Variants in RPS6KA2 observed in about 807,000 individuals in gnomAD.
RPS6KA2 encodes the protein ribosomal protein S6 kinase alpha-2.
RPS6KA2 carries 42 observed loss-of-function variants against 91.8 expected under a neutral mutation model. The observed-to-expected ratio is 0.46, with a 90% CI of 0.36 to 0.59. RPS6KA2 has a LOEUF of 0.59. Among genes scored for constraint, RPS6KA2 ranks in the 20% least tolerant of loss-of-function variants. RPS6KA2 has a pLI of 0.00. For synonymous variants in RPS6KA2, 414 were observed against 393.6 expected (o/e 1.05, Z -0.61); for missense variants, 798 against 978.5 (o/e 0.82, Z 2.46).
At chr6:166,611,298 T>C (rs1786163819) in intron 1 of RPS6KA2, among the ~76,000 whole-genome samples, 1 of 152,242 alleles carries the variant, frequency 6.6e-6, no homozygotes, top group Non-Finnish European at 1.5e-5. Context: ...CCATTTATTC[T>C]AATGAACCAA....
chr6:166,448,929 G>C lies in RPS6KA2; in HGVS notation c.1207-80C>G. 6.4e-7 allele frequency: 1 copy of C among 1,557,244 alleles called. No individual in the cohort carries two copies. The highest frequency in any genetic ancestry group is 8.8e-7 in the Non-Finnish European group (1 of 1,140,842). ...TGCAGCTACACGCACACAGAATGTG[G>C]GGCGAAGAGAGGCACCGACTGTGAA... On this transcript the variant is annotated intron_variant, in intron 13 of 20. Coordinates refer to ENST00000265678, the MANE Select transcript of RPS6KA2 (RefSeq NM_021135.6). The surrounding 1 kb of genome is among the most constrained non-coding windows in gnomAD (Gnocchi z 4.7).
At chr6:166,764,758 G>A (rs1406393752) in intron 2 of RPS6KA2, among the ~76,000 whole-genome samples, 2 of 152,230 alleles carry the variant, frequency 1.3e-5, no homozygotes, top group Non-Finnish European at 2.9e-5. Context: ...CACAGGGACT[G>A]GGACAGCGGC....
intron 2 of RPS6KA2, among the ~76,000 whole-genome samples, chr6:166,836,959 G>C (rs1475677348): frequency 1.3e-5 from 2 of 152,106 alleles, no homozygotes; most frequent in Non-Finnish European, 2.9e-5. Context: ...GTCCCGCTCG[G>C]GCACCTGCAG....
intron 11 of RPS6KA2, among the ~76,000 whole-genome samples, chr6:166,468,856 T>TCCATCTCAAAAAAAA (rs567161437): frequency 8.9e-5 from 10 of 112,172 alleles, no homozygotes; most frequent in African/African-American, 3.5e-4. Context: ...AGAGCGAGAC[T>TCCATCTCAAAAAAAA]AAAAAAAAAA....
intron 2 of RPS6KA2, among the ~76,000 whole-genome samples, chr6:166,699,533 A>C (rs1166672114): frequency 6.6e-6 from 1 of 152,188 alleles, no homozygotes; most frequent in Non-Finnish European, 1.5e-5. Flanking sequence ...TGATCTTTTT[A>C]AAGGGTGATA....
At chr6:166,617,640 C>T (rs759218477) in intron 1 of RPS6KA2, among the ~76,000 whole-genome samples, 41 of 152,312 alleles carry the variant, frequency 2.7e-4, no homozygotes, top group Non-Finnish European at 5.0e-4. Context: ...GCATTTTAAC[C>T]CTCTACACCC....
chr6:166,580,144 T>A (rs1784960345), intron 1 of RPS6KA2, among the ~76,000 whole-genome samples: 1 of 152,228 alleles, frequency 6.6e-6, no homozygotes, highest in Non-Finnish European at 1.5e-5. Flanking sequence ...TCCTCCCTTA[T>A]GTGCCCACTG....
chr6:166,693,360 T>G (rs1195871604), intron 2 of RPS6KA2, among the ~76,000 whole-genome samples: 2 of 152,220 alleles, frequency 1.3e-5, no homozygotes, highest in African/African-American at 4.8e-5. Flanking sequence ...CTTAGTTATG[T>G]GTCTTTTCTG....
At chr6:166,794,975 T>C (rs1322273856) in intron 2 of RPS6KA2, among the ~76,000 whole-genome samples, 3 of 151,716 alleles carry the variant, frequency 2.0e-5, no homozygotes, top group African/African-American at 7.3e-5. Flanking sequence ...ATTGTGCACA[T>C]GTACCCTAAA....
intron 12 of RPS6KA2, among the ~76,000 whole-genome samples, chr6:166,456,504 G>A (rs986687503): frequency 9.9e-5 from 15 of 152,156 alleles, no homozygotes; most frequent in Admixed American, 5.9e-4. Flanking sequence ...TTGGCATCTC[G>A]GGCTAAGCAG....
intron 1 of RPS6KA2, among the ~76,000 whole-genome samples, chr6:166,861,390 G>T (rs979451610): frequency 6.6e-6 from 1 of 152,030 alleles, no homozygotes; most frequent in Admixed American, 6.6e-5. Flanking sequence ...ATAAATTTGG[G>T]GAACTTTCTC....
intron 17 of RPS6KA2, among the ~76,000 whole-genome samples, chr6:166,420,685 G>A (rs1778692557): frequency 6.6e-6 from 1 of 152,166 alleles, no homozygotes; most frequent in East Asian, 1.9e-4. Context: ...TGTGAATAGT[G>A]CTGCTATGAA....
intron 2 of RPS6KA2, among the ~76,000 whole-genome samples, chr6:166,688,946 G>A (rs961425599): frequency 6.6e-6 from 1 of 152,244 alleles, no homozygotes; most frequent in Non-Finnish European, 1.5e-5. Flanking sequence ...CAGCCTGAAT[G>A]CAGAGCAAGA....
At chr6:166,455,703 CACGG>C (rs1190256421) in intron 12 of RPS6KA2, among the ~76,000 whole-genome samples, 1 of 152,216 alleles carries the variant, frequency 6.6e-6, no homozygotes, top group East Asian at 1.9e-4. Flanking sequence ...CTTCGCGGCA[CACGG>C]AGCCGCTCGA....
chr6:166,675,531 C>T (rs1379206699), intron 2 of RPS6KA2, among the ~76,000 whole-genome samples: 3 of 152,070 alleles, frequency 2.0e-5, no homozygotes, highest in African/African-American at 4.8e-5. Flanking sequence ...CCAGCCCCAG[C>T]GCGACGTGCT....
intron 2 of RPS6KA2, among the ~76,000 whole-genome samples, chr6:166,752,639 C>G (rs1028209397): frequency 3.3e-5 from 5 of 151,862 alleles, no homozygotes; most frequent in African/African-American, 9.7e-5. Flanking sequence ...TTACTCAAAC[C>G]CTTGTATTTT....
At chr6:166,497,273 T>G (rs2128476491) in intron 8 of RPS6KA2, among the ~76,000 whole-genome samples, 1 of 152,352 alleles carries the variant, frequency 6.6e-6, no homozygotes, top group Middle Eastern at 3.4e-3. Flanking sequence ...GGCCCCTTGC[T>G]TTGCTGCAGG....
upstream of RPS6KA2, among the ~76,000 whole-genome samples, chr6:166,628,680 C>T (rs897713087): frequency 6.6e-6 from 1 of 152,252 alleles, no homozygotes; most frequent in Non-Finnish European, 1.5e-5. Context: ...TCTGGCGCTG[C>T]CCCTTCCTTG....
At chr6:166,600,990 T>C (rs759103801) in intron 1 of RPS6KA2, among the ~76,000 whole-genome samples, 2 of 151,978 alleles carry the variant, frequency 1.3e-5, no homozygotes, top group Non-Finnish European at 2.9e-5. Context: ...ACAAACAAAA[T>C]CTCTTATACT....
Sources: gnomAD v4.1 joint callset for allele counts (sites outside exome capture counted in the v4.1 genomes callset) on GRCh38, gnomAD v4.1.1 for gene constraint, Gnocchi (gnomAD v3.1) non-coding constraint, MANE v1.5 for transcripts, NCBI Gene and HGNC (gene_info 2026-07-23, HGNC 2026-07-21) for gene names.